DGKB: variants seen among roughly 807,000 people sequenced by gnomAD.
DGKB encodes diacylglycerol kinase beta, also known as 90 kDa diacylglycerol kinase.
Under a neutral mutation model 114.3 loss-of-function variants are expected in DGKB, and 67 were observed. The observed-to-expected ratio is 0.59, with a 90% CI of 0.48 to 0.72. The LOEUF (loss-of-function observed/expected upper bound fraction) is 0.72. Among genes scored for constraint, DGKB ranks in the 30% least tolerant of loss-of-function variants. DGKB has a pLI of 0.00. For synonymous variants in DGKB, 398 were observed against 323.1 expected, an observed-to-expected ratio of 1.23 and a Z score of -2.49; for missense variants, 907 against 975.2, an observed-to-expected ratio of 0.93 and a Z score of 0.93.
intron 23 of DGKB, among the ~76,000 whole-genome samples, chr7:14,218,017 A>G (rs1789283869): frequency 1.3e-5 from 2 of 152,150 alleles, no homozygotes; most frequent in East Asian, 1.9e-4. Context: ...ATATGCAAAT[A>G]TTAGCTTTCA....
chr7:14,308,970 C>T (rs1804923723), intron 23 of DGKB, among the ~76,000 whole-genome samples: 1 of 152,182 alleles, frequency 6.6e-6, no homozygotes, highest in Non-Finnish European at 1.5e-5. Flanking sequence ...AATCCCAGCA[C>T]TTTGGAAGGC....
chr7:14,148,475 G>A lies in DGKB; in HGVS notation c.*656C>T, dbSNP rs1301510308. On this transcript the variant is annotated 3_prime_UTR_variant, in exon 26 of 26. Transcript: ENST00000402815. ...AAGTAACATGTTTTCACTTATTTCT[G>A]GAATTAAAAAGAAAACTAAGCAAAA... 1 of 152,430 alleles carries A rather than the reference G, an allele frequency of 6.6e-6. No individual in the cohort carries two copies. The highest frequency in any genetic ancestry group is 1.5e-5 in the Non-Finnish European group (1 of 68,030). The allele number at this position is 152,430 out of a possible 1,614,324, so 9.4% of individuals were successfully genotyped here.
intron 1 of DGKB, among the ~76,000 whole-genome samples, chr7:14,901,507 C>A (rs183032744): frequency 6.6e-6 from 1 of 152,072 alleles, no homozygotes; most frequent in African/African-American, 2.4e-5. Flanking sequence ...AATAATTTTT[C>A]TTGGAGAAAA....
At chr7:14,256,465 A>T (rs1795989178) in intron 23 of DGKB, among the ~76,000 whole-genome samples, 1 of 143,092 alleles carries the variant, frequency 7.0e-6, no homozygotes, top group South Asian at 2.2e-4. Context: ...TAAAATAAAT[A>T]TTTTATTTAT....
intron 1 of DGKB, among the ~76,000 whole-genome samples, chr7:14,933,695 G>T (rs1785143091): frequency 6.6e-6 from 1 of 151,998 alleles, no homozygotes; most frequent in Non-Finnish European, 1.5e-5. Flanking sequence ...ATTAATACAT[G>T]AATTTAAATT....
intron 2 of DGKB, among the ~76,000 whole-genome samples, chr7:14,833,069 T>C (rs1484389730): frequency 2.0e-5 from 3 of 152,080 alleles, no homozygotes; most frequent in Non-Finnish European, 4.4e-5. Context: ...CCATCCTTCT[T>C]CCTTAGTCTC....
intron 23 of DGKB, among the ~76,000 whole-genome samples, chr7:14,263,928 G>T (rs188297659): frequency 6.6e-6 from 1 of 152,164 alleles, no homozygotes; most frequent in Non-Finnish European, 1.5e-5. Context: ...GTATAGCAAG[G>T]CTTCTGTATG....
At chr7:14,663,643 T>TCCC (rs1817539960) in intron 13 of DGKB, among the ~76,000 whole-genome samples, 2 of 144,286 alleles carry the variant, frequency 1.4e-5, no homozygotes, top group African/African-American at 5.1e-5. Context: ...CCTCCCTTCC[T>TCCC]TCCTTCCCTC....
chr7:14,662,869 T>C (rs190408729), intron 13 of DGKB, among the ~76,000 whole-genome samples: 45 of 152,082 alleles, frequency 3.0e-4, no homozygotes, highest in Admixed American at 2.6e-3. Flanking sequence ...TTTTTCTTTA[T>C]TATTTTAAAA....
chr7:14,286,328 C>A (rs79012316), intron 23 of DGKB, among the ~76,000 whole-genome samples: 1,925 of 152,144 alleles, frequency 0.013, 46 homozygotes, highest in African/African-American at 0.044. Context: ...TGAAGACACG[C>A]CATATAGCTT....
At chr7:14,208,150 T>C (rs1282984003) in intron 23 of DGKB, among the ~76,000 whole-genome samples, 1 of 151,964 alleles carries the variant, frequency 6.6e-6, no homozygotes, top group Non-Finnish European at 1.5e-5. Flanking sequence ...TCCAGTAAAA[T>C]AAAACAAAAT....
At chr7:14,374,423 A>G (rs567766045) in intron 21 of DGKB, among the ~76,000 whole-genome samples, 14 of 152,298 alleles carry the variant, frequency 9.2e-5, no homozygotes, top group Middle Eastern at 6.8e-3. Flanking sequence ...CTGGTTCTGC[A>G]TTAGCATCTC....
At chr7:14,417,232 A>G (rs546194793) in intron 21 of DGKB, among the ~76,000 whole-genome samples, 7 of 152,014 alleles carry the variant, frequency 4.6e-5, no homozygotes, top group Admixed American at 1.3e-4. Context: ...ATATATTATA[A>G]TTATGATTAA....
At chr7:14,529,319 G>T (rs1237339581) in intron 20 of DGKB, among the ~76,000 whole-genome samples, 3 of 151,792 alleles carry the variant, frequency 2.0e-5, no homozygotes, top group African/African-American at 7.2e-5. Context: ...GGCTTAACAT[G>T]TGTTTGTTAT....
chr7:14,461,019 T>C (rs1832998253), intron 21 of DGKB, among the ~76,000 whole-genome samples: 1 of 151,670 alleles, frequency 6.6e-6, no homozygotes, highest in African/African-American at 2.4e-5. Flanking sequence ...AAAAGCAAAT[T>C]AAGGCAGAAA....
chr7:14,578,602 G>C (rs1799500951), intron 19 of DGKB, among the ~76,000 whole-genome samples: 1 of 152,140 alleles, frequency 6.6e-6, no homozygotes, highest in Non-Finnish European at 1.5e-5. Flanking sequence ...ATTAAGCTAA[G>C]CCTGAAAATG....
At chr7:14,167,910 A>G (rs1784844469) in intron 25 of DGKB, among the ~76,000 whole-genome samples, 1 of 152,214 alleles carries the variant, frequency 6.6e-6, no homozygotes, top group Admixed American at 6.5e-5. Context: ...TTCAGAATAT[A>G]ATAAAAAGTT....
chr7:14,694,822 G>T (rs1390033673), intron 8 of DGKB, among the ~76,000 whole-genome samples: 1 of 152,034 alleles, frequency 6.6e-6, no homozygotes, highest in Admixed American at 6.5e-5. Flanking sequence ...ATAAGCTAAC[G>T]TATTATAAGC....
chr7:14,850,486 T>A (rs1385757049), intron 1 of DGKB, among the ~76,000 whole-genome samples: 1 of 152,126 alleles, frequency 6.6e-6, no homozygotes, highest in Non-Finnish European at 1.5e-5. Flanking sequence ...TCCCAGAAAG[T>A]CTGTGAGGGC....
Sources: gnomAD v4.1 joint callset for allele counts (sites outside exome capture counted in the v4.1 genomes callset) on GRCh38, gnomAD v4.1.1 for gene constraint, MANE v1.5 for transcripts, NCBI Gene and HGNC (gene_info 2026-07-23, HGNC 2026-07-21) for gene names.